TTLL3: variants seen among roughly 807,000 people sequenced by gnomAD.
TTLL3 encodes the protein tubulin monoglycylase TTLL3.
TTLL3 carries 63 observed loss-of-function variants against 75.2 expected under a neutral mutation model. The observed-to-expected ratio is 0.84, with a 90% CI of 0.68 to 1.03. The LOEUF (loss-of-function observed/expected upper bound fraction) is 1.03. Among genes scored for constraint, TTLL3 ranks in the 50% least tolerant of loss-of-function variants. The pLI is 0.00. For synonymous variants in TTLL3, 393 were observed against 418.5 expected, an observed-to-expected ratio of 0.94 and a Z score of 0.74; for missense variants, 997 against 1,069.9, an observed-to-expected ratio of 0.93 and a Z score of 0.95.
intron 4 of TTLL3, among the ~76,000 whole-genome samples, chr3:9,814,998 G>A (rs909768119): frequency 6.6e-6 from 1 of 152,074 alleles, no homozygotes; most frequent in Non-Finnish European, 1.5e-5. Flanking sequence ...AGCACTTTGG[G>A]AGGCCAAGGC....
intron 11 of TTLL3, among the ~76,000 whole-genome samples, chr3:9,832,222 A>C (rs1338901606): frequency 6.7e-6 from 1 of 149,632 alleles, no homozygotes; most frequent in African/African-American, 2.5e-5. Context: ...AGTAGCTGGG[A>C]TTACAGGTGC....
rs769180198 is a variant in TTLL3 at position 9,813,095 on chromosome 3, T to C, written c.201T>C (p.Ser67=). 20 of 1,579,914 alleles carry C rather than the reference T, an allele frequency of 1.3e-5. No individual in the cohort carries two copies. The highest frequency in any genetic ancestry group is 2.7e-5 in the African/African-American group (2 of 74,032). The part of the protein sequence containing the change: ...KDLDSSAMGD[S]DTTEDEDEDE... ...TGGATAGCTCAGCGATGGGTGACAG[T>C]GACACCACTGAGGATGGTGAGTGGT... The change falls in exon 3 of 14, where the codon AGT becomes AGC. Residue 67 remains serine, a synonymous_variant. Coordinates refer to ENST00000685419, the MANE Select transcript of TTLL3 (RefSeq NM_001387446.1).
intron 7 of TTLL3, 200 bp from the exon 8 acceptor site, chr3:9,820,346 G>T: frequency 7.0e-7 from 1 of 1,432,368 alleles, no homozygotes; most frequent in East Asian, 2.5e-5. Flanking sequence ...GGGACAGTGG[G>T]AGCCAAGGGC....
At position 9,829,924 on chromosome 3, in the gene TTLL3, C is replaced by A. The variant is rs1453751947; in HGVS notation, c.1683+529C>A. ...GTGGCATGATCTTGGCTCACTGCAACCTCTACCTCCTGGGTTCAAGCGATT... is the reference window on the plus strand; with the variant it reads ...GTGGCATGATCTTGGCTCACTGCAAACTCTACCTCCTGGGTTCAAGCGATT... On this transcript the variant is annotated intron_variant, in intron 11 of 13. Coordinates refer to ENST00000685419, the MANE Select transcript of TTLL3 (RefSeq NM_001387446.1). Among the ~76,000 whole-genome samples, 11 of 152,226 alleles carry A rather than the reference C, an allele frequency of 7.2e-5. No individual in the cohort carries two copies. In the South Asian group the frequency reaches 2.3e-3, roughly 32 times the overall value.
Position 9,812,963 on chromosome 3 carries a change from C to G in TTLL3, c.69C>G (p.Ile23Met). 6.6e-7 allele frequency: 1 copy of G among 1,518,764 alleles called. No individual in the cohort carries two copies. Among genetic ancestry groups the G allele is most frequent in the South Asian group, 1.3e-5 (1 of 75,760 alleles). 94.1% of individuals were successfully genotyped at this position (1,518,764 alleles called of 1,614,324 possible). A position where few individuals can be genotyped will look rare whatever the true frequency, so the allele number is the denominator to read the frequency against. The change falls in exon 3 of 14, where the codon ATC becomes ATG. Residue 23 changes from isoleucine (I) to methionine (M), a missense_variant. Transcript: ENST00000685419. ...RAVKQKKIFTIQGCYPVIRCL... is the reference protein window; with the variant it reads ...RAVKQKKIFTMQGCYPVIRCL... ...TGCAGCAGAAGAAGATCTTTACAAT[C>G]CAAGGCTGCTACCCGGTGATCCGGT...
intron 10 of TTLL3, 30 bp from the exon 11 acceptor site, chr3:9,828,930 T>G (rs1180971272): frequency 1.9e-5 from 30 of 1,610,666 alleles, no homozygotes; most frequent in Non-Finnish European, 2.5e-5. Context: ...CACAAGGGCC[T>G]GGACCTCAGT....
At chr3:9,809,948 G>T, upstream of TTLL3, 1 of 148,994 alleles carries the variant, frequency 6.7e-6, no homozygotes, top group Non-Finnish European at 1.0e-5. Flanking sequence ...GAGAGGAGGC[G>T]GCGACGCGGA....
chr3:9,823,256 T>C (rs766464537), intron 8 of TTLL3, among the ~76,000 whole-genome samples: 86 of 152,052 alleles, frequency 5.7e-4, no homozygotes, highest in Admixed American at 2.2e-3. Context: ...TGGTGGTGGG[T>C]GCCTGTAGTC....
At position 9,829,274 on chromosome 3, in the gene TTLL3, C is replaced by A. The variant is rs140738434; in HGVS notation, c.1562C>A (p.Pro521His). 1,823 of 1,614,172 alleles carry A rather than the reference C, an allele frequency of 1.1e-3. 24 individuals are homozygous for A. The highest frequency in any genetic ancestry group is 1.4e-4 in the Non-Finnish European group (163 of 1,180,046). Reference protein sequence around the residue: ...IEINASPTMAPSTAVTARLCA... With the variant: ...IEINASPTMAHSTAVTARLCA... Reference sequence around the variant, plus strand: ...ATCAACGCCAGCCCCACGATGGCACCCTCCACAGCAGTCACTGCCCGGCTC... The same window carrying A: ...ATCAACGCCAGCCCCACGATGGCACACTCCACAGCAGTCACTGCCCGGCTC... The change falls in exon 11 of 14, where the codon CCC becomes CAC. Residue 521 changes from proline (P) to histidine (H), a missense_variant. Transcript: ENST00000685419.
chr3:9,821,728 C>T (rs1022320605), intron 8 of TTLL3, among the ~76,000 whole-genome samples: 8 of 152,172 alleles, frequency 5.3e-5, no homozygotes, highest in East Asian at 3.9e-4. Context: ...GGTGGCCAAG[C>T]GTGGTGGCTC....
chr3:9,813,163 T>A (rs2125678087), intron 3 of TTLL3, 52 bp downstream of exon 3: 1 of 1,603,580 alleles, frequency 6.2e-7, no homozygotes. Flanking sequence ...CCTTTTCCTT[T>A]GGTTCCCACT....
chr3:9,810,428 C>T lies in TTLL3; in HGVS notation c.-42+34C>T. 1 of 1,424,976 alleles carries T rather than the reference C, an allele frequency of 7.0e-7. No individual in the cohort carries two copies. The highest frequency in any genetic ancestry group is 1.5e-5 in the South Asian group (1 of 66,810). 88.3% of individuals were successfully genotyped at this position (1,424,976 alleles called of 1,614,324 possible). A position where few individuals can be genotyped will look rare whatever the true frequency, so the allele number is the denominator to read the frequency against. On this transcript the variant is annotated intron_variant, in intron 1 of 13. Coordinates refer to ENST00000685419, the MANE Select transcript of TTLL3 (RefSeq NM_001387446.1). This position sits in a 1 kb window ranked among gnomAD's most constrained non-coding sequence, Gnocchi z 4.4. ...CGTGCGGCCCGCTCGCTCTGGCCTA[C>T]AGCGGCTGCGAGGACGACAAGACGC...
intron 11 of TTLL3, among the ~76,000 whole-genome samples, chr3:9,831,090 C>T (rs1027381728): frequency 2.0e-5 from 3 of 152,190 alleles, no homozygotes; most frequent in Non-Finnish European, 4.4e-5. Flanking sequence ...CATGAGCCAC[C>T]GCGCCAAGCC....
chr3:9,810,159 G>C (rs1423754691), upstream of TTLL3: 18 of 1,472,286 alleles, frequency 1.2e-5, no homozygotes, highest in Non-Finnish European at 1.6e-5. The surrounding 1 kb of genome is among the most constrained non-coding windows in gnomAD (Gnocchi z 4.4). Flanking sequence ...GTTTCCCCTC[G>C]GCGCGCCGCT....
rs34069366 is a variant in TTLL3, at chr3:9,820,662, G to A, written c.775G>A (p.Asp259Asn). Residue 259 changes from aspartate to asparagine, a missense_variant, in exon 8 of 14, where the codon GAC becomes AAC. Asp to Asn is a conservative substitution (Grantham distance 23). Coordinates refer to ENST00000685419, the MANE Select transcript of TTLL3 (RefSeq NM_001387446.1). ...YLSNLAHMDI[D>N]KDLEAPLYLT... ...TAGCAACTTGGCCCACATGGACATCGACAAGGACCTGGAGGCCCCGCTGTA... is the reference window on the plus strand; with the variant it reads ...TAGCAACTTGGCCCACATGGACATCAACAAGGACCTGGAGGCCCCGCTGTA... 309 of 1,614,108 alleles carry A rather than the reference G, an allele frequency of 1.9e-4. No individual in the cohort carries two copies. The highest frequency in any genetic ancestry group is 1.3e-3 in the Middle Eastern group (8 of 6,062).
At chr3:9,810,104 T>A, upstream of TTLL3, 1 of 1,439,940 alleles carries the variant, frequency 6.9e-7, no homozygotes, top group Non-Finnish European at 9.1e-7. This position sits in a 1 kb window ranked among gnomAD's most constrained non-coding sequence, Gnocchi z 4.4. Flanking sequence ...GGCGGCGCGG[T>A]GTGCAACTGG....
chr3:9,824,447 G>A (rs545253172), intron 8 of TTLL3, among the ~76,000 whole-genome samples: 45 of 152,278 alleles, frequency 3.0e-4, no homozygotes, highest in Middle Eastern at 3.4e-3. Context: ...GCCTCGCTCC[G>A]TTGCCCACAC....
chr3:9,823,574 C>G (rs1268746386), intron 8 of TTLL3, among the ~76,000 whole-genome samples: 1 of 151,644 alleles, frequency 6.6e-6, no homozygotes, highest in African/African-American at 2.4e-5. Flanking sequence ...TGATATTTTC[C>G]TGGGCCACAT....
At position 9,812,913 on chromosome 3, in the gene TTLL3, T is replaced by C. The variant is rs182797096; in HGVS notation, c.49-30T>C. On this transcript the variant is annotated intron_variant, in intron 2 of 13. Coordinates refer to ENST00000685419, the MANE Select transcript of TTLL3 (RefSeq NM_001387446.1). ...ATGTCTGGCACTTATGCAATACTTA[T>C]TGAAGAAGTATCCTTCTCTCACATT... 473 of 1,474,840 alleles carry C rather than the reference T, an allele frequency of 3.2e-4. 2 individuals carry two copies. In the African/African-American group the frequency reaches 5.9e-3, roughly 19 times the overall value. 91.4% of individuals were successfully genotyped at this position (1,474,840 alleles called of 1,614,324 possible). A position where few individuals can be genotyped will look rare whatever the true frequency, so the allele number is the denominator to read the frequency against.
Sources: allele counts gnomAD v4.1 joint callset (sites outside exome capture counted in the v4.1 genomes callset), GRCh38; gene constraint gnomAD v4.1.1; non-coding constraint Gnocchi (gnomAD v3.1); transcripts MANE v1.5; gene names NCBI Gene and HGNC (gene_info 2026-07-23, HGNC 2026-07-21).